The following STARD9 variants were observed in gnomAD, a reference collection of about 807,000 sequenced individuals.
The protein encoded by STARD9 is stAR-related lipid transfer protein 9.
STARD9 carries 346 observed loss-of-function variants against 399.8 expected under a neutral mutation model. That is an observed-to-expected ratio of 0.87 (90% CI 0.79 to 0.95). STARD9 has a LOEUF of 0.95. Ranked by LOEUF, STARD9 falls within the 40% of genes least tolerant of loss-of-function variation. The pLI, the probability that STARD9 is intolerant of heterozygous loss-of-function variation, is 0.00. For missense variants in STARD9, 5,832 were observed against 5,667.5 expected (o/e 1.03, Z -0.93); for synonymous variants, 2,203 against 2,143.5 (o/e 1.03, Z -0.77).
chr15:42,719,701 T>C lies in STARD9; in HGVS notation c.*127T>C, dbSNP rs1489858367. 26 of 661,250 alleles carry C rather than the reference T, an allele frequency of 3.9e-5. No individual in the cohort carries two copies. In the Middle Eastern group the frequency reaches 1.1e-3, roughly 29 times the overall value. The allele number at this position is 661,250 out of a possible 1,614,324, so 41.0% of individuals were successfully genotyped here. A position where few individuals can be genotyped will look rare whatever the true frequency, so the allele number is the denominator to read the frequency against. ...AGCTGATGCTACCTGCTGTGGCCGA[T>C]TGGGGCAGACAGCACTGGCCCAGGG... is the stretch of plus-strand genomic sequence containing the variant. On this transcript the variant is annotated 3_prime_UTR_variant, in exon 33 of 33. Transcript: ENST00000290607.
chr15:42,677,089 T>TAAAAAAA (rs869040683), intron 20 of STARD9, among the ~76,000 whole-genome samples: 1 of 53,606 alleles, frequency 1.9e-5, no homozygotes, highest in Non-Finnish European at 3.3e-5. Context: ...CGTCTCTACT[T>TAAAAAAA]AAAAAAAAAA....
At chr15:42,637,555 G>A (rs2059442616) in intron 4 of STARD9, among the ~76,000 whole-genome samples, 1 of 152,178 alleles carries the variant, frequency 6.6e-6, no homozygotes, top group Admixed American at 6.5e-5. Flanking sequence ...TTGTCCGCCT[G>A]TAAGGACTGG....
chr15:42,604,352 T>C (rs1202631919), intron 3 of STARD9, among the ~76,000 whole-genome samples: 1 of 152,212 alleles, frequency 6.6e-6, no homozygotes, highest in African/African-American at 2.4e-5. Flanking sequence ...TTATTCTACC[T>C]CGTTCATTCA....
At position 42,674,958 on chromosome 15, in the gene STARD9, A is replaced by G. The variant is rs1037651348; in HGVS notation, c.1681A>G (p.Thr561Ala). 1.3e-6 allele frequency: 2 copies of G among 1,532,532 alleles called. No individual in the cohort carries two copies. Among genetic ancestry groups the G allele is most frequent in the Non-Finnish European group, 1.7e-6 (2 of 1,145,034 alleles). 94.9% of individuals were successfully genotyped at this position (1,532,532 alleles called of 1,614,324 possible). The change falls in exon 18 of 33, where the codon ACT becomes GCT. Residue 561 changes from threonine (T) to alanine (A), a missense_variant. Coordinates refer to ENST00000290607, the MANE Select transcript of STARD9 (RefSeq NM_020759.3). ...GREVTASCRLTQGAVITLGKA... is the reference protein window; with the variant it reads ...GREVTASCRLAQGAVITLGKA... ...GGAGGTCACTGCCTCCTGCCGTCTG[A>G]CTCAAGGTAGGACTGTCTGTAGCCC...
chr15:42,618,871 C>T (rs991771384), intron 3 of STARD9, among the ~76,000 whole-genome samples: 4 of 152,068 alleles, frequency 2.6e-5, no homozygotes, highest in African/African-American at 9.7e-5. Context: ...CGCGCCTGGC[C>T]AACAGTTTTG....
intron 3 of STARD9, among the ~76,000 whole-genome samples, chr15:42,614,647 C>A (rs2058919925): frequency 6.6e-6 from 1 of 152,040 alleles, no homozygotes; most frequent in Admixed American, 6.6e-5. Flanking sequence ...CCTAGGGGTC[C>A]CACACCTGAA....
chr15:42,581,397 G>C, intron 1 of STARD9: 1 of 1,506,396 alleles, frequency 6.6e-7, no homozygotes, highest in South Asian at 1.1e-5. Context: ...ATAGTCAAGA[G>C]GTAGCTGCGC....
At chr15:42,604,626 A>ATTTTTTTTTT (rs11349330) in intron 3 of STARD9, among the ~76,000 whole-genome samples, 1 of 54,746 alleles carries the variant, frequency 1.8e-5, no homozygotes, top group Non-Finnish European at 3.5e-5. Flanking sequence ...GATCAAATTG[A>ATTTTTTTTTT]TTTTTTTTTT....
chr15:42,685,713 A>C lies in STARD9; in HGVS notation c.4135A>C (p.Asn1379His). The change falls in exon 23 of 33, where the codon AAT becomes CAT. Residue 1379 changes from asparagine to histidine, a missense_variant. Around this residue, in one of 2 missense-constraint regions of STARD9, gnomAD observed 5,828 missense variants for 5,651.1 expected, o/e 1.03. Coordinates refer to ENST00000290607, the MANE Select transcript of STARD9 (RefSeq NM_020759.3). ...GGGGGAGAGGCCTGGATACTGGCCA[A>C]ATACTGAGGAACTAAAGCCATCAGA... is the stretch of plus-strand genomic sequence containing the variant. ...CKGERPGYWP[N>H]TEELKPSDAE... is the part of the protein sequence containing the mutation. The C allele has an allele frequency of 6.5e-7, 1 of 1,537,442 alleles. No homozygotes were observed. Among genetic ancestry groups the C allele is most frequent in the South Asian group, 1.2e-5 (1 of 84,062 alleles).
chr15:42,709,233 A>C (rs1360438782), intron 26 of STARD9, among the ~76,000 whole-genome samples: 1 of 151,760 alleles, frequency 6.6e-6, no homozygotes, highest in Non-Finnish European at 1.5e-5. Flanking sequence ...CCATCTCTAC[A>C]CACACACACA....
At position 42,718,148 on chromosome 15, in the gene STARD9, G is replaced by GC. The variant is rs1343342103; in HGVS notation, c.13732dup (p.His4578ProfsTer50). 6 of 1,537,088 alleles carry GC rather than the reference G, an allele frequency of 3.9e-6. No homozygotes were observed. The highest frequency in any genetic ancestry group is 5.2e-6 in the Non-Finnish European group (6 of 1,146,906). ...ACAAGCCCATCCAGACAGCAAGGCT[G>GC]CATCAGCGAGTGACCAACAGCATCA... is the stretch of plus-strand genomic sequence containing the variant. On this transcript the variant is annotated frameshift_variant, in exon 30 of 33. Transcript: ENST00000290607. LOFTEE classifies it high-confidence loss of function.
chr15:42,632,890 C>A (rs1479753127), intron 3 of STARD9, among the ~76,000 whole-genome samples: 1 of 151,984 alleles, frequency 6.6e-6, no homozygotes, highest in Non-Finnish European at 1.5e-5. Flanking sequence ...CACCTGTAAT[C>A]CCAGCACTTT....
chr15:42,625,387 G>A (rs1213262754), intron 3 of STARD9, among the ~76,000 whole-genome samples: 2 of 151,614 alleles, frequency 1.3e-5, no homozygotes, highest in African/African-American at 2.4e-5. Context: ...CTAGAGTGCA[G>A]TGGCGCGATC....
intron 4 of STARD9, among the ~76,000 whole-genome samples, chr15:42,637,276 G>A (rs762148444): frequency 2.9e-4 from 44 of 152,032 alleles, no homozygotes; most frequent in Non-Finnish European, 4.3e-4. Context: ...GCAGTGGCAC[G>A]ATCTCAGCTC....
intron 3 of STARD9, among the ~76,000 whole-genome samples, chr15:42,624,131 T>C (rs1378531517): frequency 1.3e-5 from 2 of 152,198 alleles, no homozygotes; most frequent in African/African-American, 4.8e-5. Context: ...GATGACACTT[T>C]CCCTTGTTAG....
intron 3 of STARD9, among the ~76,000 whole-genome samples, chr15:42,614,226 A>C (rs574906982): frequency 6.6e-6 from 1 of 151,706 alleles, no homozygotes; most frequent in African/African-American, 2.4e-5. Context: ...GAGGAGAATC[A>C]CTTGAACCTG....
At position 42,707,709 on chromosome 15, in the gene STARD9, A is replaced by G. The variant is rs949220143; in HGVS notation, c.13285-8968A>G. 3.3e-5 allele frequency among the ~76,000 whole-genome samples: 5 copies of G among 152,058 alleles called. No individual in the cohort carries two copies. The East Asian group carries it at 7.7e-4, about 23-fold the overall frequency. On this transcript the variant is annotated intron_variant, in intron 26 of 32. Coordinates refer to ENST00000290607, the MANE Select transcript of STARD9 (RefSeq NM_020759.3). ...CTGGTCTTGAACTCCTGACCTCATG[A>G]TCCGCCCATAAGATGAGATATATTA...
intron 3 of STARD9, among the ~76,000 whole-genome samples, chr15:42,608,986 C>G (rs934990649): frequency 6.6e-6 from 1 of 152,162 alleles, no homozygotes; most frequent in African/African-American, 2.4e-5. Flanking sequence ...GTCCCAGCTT[C>G]AGCCTTAGAT....
At chr15:42,620,727 C>CTTTTATTTTA (rs71108173) in intron 3 of STARD9, among the ~76,000 whole-genome samples, 2,675 of 142,582 alleles carry the variant, frequency 0.019, 44 homozygotes, top group East Asian at 0.067. Flanking sequence ...TAGAATGTCC[C>CTTTTATTTTA]TTTTATTTTA....
Sources: allele counts gnomAD v4.1 joint callset (sites outside exome capture counted in the v4.1 genomes callset), GRCh38; gene constraint gnomAD v4.1.1; regional missense constraint gnomAD v4.1.1; transcripts MANE v1.5; gene names NCBI Gene and HGNC (gene_info 2026-07-23, HGNC 2026-07-21).